The following UBASH3A variants were observed in gnomAD, a reference collection of about 807,000 sequenced individuals.
The protein encoded by UBASH3A is ubiquitin associated and SH3 domain containing A.
UBASH3A carries 63 observed loss-of-function variants against 73.5 expected under a neutral mutation model. The observed-to-expected ratio is 0.86, with a 90% CI of 0.70 to 1.06. UBASH3A has a LOEUF of 1.06. UBASH3A is among the 50% of genes least tolerant of loss of function. The probability of loss-of-function intolerance (pLI) is 0.00; values close to 1 mark genes in which losing one functional copy is unlikely to be tolerated. For synonymous variants in UBASH3A, 363 were observed against 351.1 expected (o/e 1.03, Z -0.38); for missense variants, 860 against 859.0 (o/e 1.00, Z -0.02).
At chr21:42,437,070 A>G (rs1568936009) in intron 10 of UBASH3A, among the ~76,000 whole-genome samples, 2 of 152,216 alleles carry the variant, frequency 1.3e-5, no homozygotes, top group Non-Finnish European at 2.9e-5. Flanking sequence ...GCTGGCTGTT[A>G]GCTGGGGGCT....
chr21:42,442,600 T>G lies in UBASH3A; in HGVS notation c.1631+4T>G. ...TCAACATTGACACTGATTACAGGTA[T>G]GCTGTTCTAAAGTTCTCTGCCACTG... On this transcript the variant is annotated splice_donor_region_variant and intron_variant, in intron 12 of 14. Transcript: ENST00000319294. 1 of 1,605,770 alleles carries G rather than the reference T, an allele frequency of 6.2e-7. No individual in the cohort carries two copies. Among genetic ancestry groups the G allele is most frequent in the South Asian group, 1.1e-5 (1 of 88,780 alleles).
At chr21:42,436,467 T>C (rs1319903586) in intron 10 of UBASH3A, among the ~76,000 whole-genome samples, 1 of 152,210 alleles carries the variant, frequency 6.6e-6, no homozygotes, top group African/African-American at 2.4e-5. Flanking sequence ...TCTTCTCTTC[T>C]CTGCATGTCT....
At chr21:42,425,194 G>C (rs1198544137) in intron 7 of UBASH3A, among the ~76,000 whole-genome samples, 1 of 152,210 alleles carries the variant, frequency 6.6e-6, no homozygotes, top group Non-Finnish European at 1.5e-5. Flanking sequence ...CTGTCAAGAG[G>C]CTCTCTTAAG....
chr21:42,444,857 G>T (rs568619824), intron 14 of UBASH3A, among the ~76,000 whole-genome samples: 1 of 152,274 alleles, frequency 6.6e-6, no homozygotes, highest in East Asian at 1.9e-4. Flanking sequence ...ATCATCATTG[G>T]CCACTTGCCA....
intron 11 of UBASH3A, among the ~76,000 whole-genome samples, chr21:42,438,185 C>T (rs563506129): frequency 7.9e-5 from 12 of 152,280 alleles, no homozygotes; most frequent in African/African-American, 2.9e-4. Context: ...CAGGGACTGG[C>T]CGTGGCCAGG....
chr21:42,446,318 C>A (rs1038679287), intron 14 of UBASH3A, among the ~76,000 whole-genome samples: 15 of 152,290 alleles, frequency 9.8e-5, no homozygotes, highest in African/African-American at 3.4e-4. Flanking sequence ...GATGGGCCCC[C>A]AAATCAGGGC....
At position 42,447,296 on chromosome 21, in the gene UBASH3A, A is replaced by G. The variant is rs537200259; in HGVS notation, c.*102A>G. 8.5e-5 allele frequency: 110 copies of G among 1,286,680 alleles called. No individual in the cohort carries two copies. The highest frequency in any genetic ancestry group is 8.2e-4 in the African/African-American group (55 of 66,896). The allele number at this position is 1,286,680 out of a possible 1,614,324, so 79.7% of individuals were successfully genotyped here. On this transcript the variant is annotated 3_prime_UTR_variant, in exon 15 of 15. Transcript: ENST00000319294. ...TCCAGAGGCGTCTTAGTCTCACCCA[A>G]TGTGATTTGTAGAAGCACGAGACGC...
intron 3 of UBASH3A, chr21:42,410,337 T>G (rs573721100): frequency 3.4e-6 from 2 of 593,522 alleles, no homozygotes; most frequent in African/African-American, 1.9e-5. Context: ...TACCGCGGCC[T>G]GGCCCCAACT....
At chr21:42,434,419 G>C (rs929845497) in intron 9 of UBASH3A, among the ~76,000 whole-genome samples, 1 of 152,196 alleles carries the variant, frequency 6.6e-6, no homozygotes, top group Admixed American at 6.5e-5. Context: ...CAAGCACTCT[G>C]TCCCCTGAGC....
Position 42,418,569 on chromosome 21 carries a change from A to G in UBASH3A, c.1006A>G (p.Thr336Ala). Reference sequence around the variant, plus strand: ...CCGGGGCTTCCTGCCGGAAAACTACACGGATCGAGCCAGTGAGTCTGACAC... The same window carrying G: ...CCGGGGCTTCCTGCCGGAAAACTACGCGGATCGAGCCAGTGAGTCTGACAC... The part of the protein sequence containing the change: ...GCRGFLPENY[T>A]DRASESDTWV... The change falls in exon 7 of 15, where the codon ACG becomes GCG. Residue 336 changes from threonine to alanine, a missense_variant. Coordinates refer to ENST00000319294, the MANE Select transcript of UBASH3A (RefSeq NM_018961.4). 2 of 1,614,066 alleles carry G rather than the reference A, an allele frequency of 1.2e-6. No individual in the cohort carries two copies. The highest frequency in any genetic ancestry group is 1.7e-6 in the Non-Finnish European group (2 of 1,179,988).
At chr21:42,439,446 G>A (rs2053689319) in intron 11 of UBASH3A, among the ~76,000 whole-genome samples, 2 of 152,034 alleles carry the variant, frequency 1.3e-5, no homozygotes, top group South Asian at 2.1e-4. Flanking sequence ...ATTGCATCAC[G>A]GCACCTCTGG....
chr21:42,412,566 A>T (rs980159390), intron 3 of UBASH3A, among the ~76,000 whole-genome samples: 1 of 152,184 alleles, frequency 6.6e-6, no homozygotes, highest in African/African-American at 2.4e-5. Context: ...CGTGGAAGAG[A>T]GGGTGGCCCC....
At chr21:42,405,420 G>T (rs1356559443) in intron 1 of UBASH3A, among the ~76,000 whole-genome samples, 1 of 152,162 alleles carries the variant, frequency 6.6e-6, no homozygotes, top group African/African-American at 2.4e-5. Context: ...GTATAGCATG[G>T]ACTTCTACTC....
At chr21:42,426,668 G>C (rs2053441363) in intron 7 of UBASH3A, 29 bp from the exon 8 acceptor site, 1 of 1,611,888 alleles carries the variant, frequency 6.2e-7, no homozygotes. Flanking sequence ...TCTCACTTCT[G>C]TTCAAGCCGT....
intron 8 of UBASH3A, among the ~76,000 whole-genome samples, chr21:42,429,032 T>C (rs2053486555): frequency 6.6e-6 from 1 of 152,088 alleles, no homozygotes; most frequent in South Asian, 2.1e-4. Flanking sequence ...AGGAGGGCCC[T>C]AAACCCCATC....
At chr21:42,435,857 T>A (rs1196206016) in intron 10 of UBASH3A, among the ~76,000 whole-genome samples, 1 of 151,572 alleles carries the variant, frequency 6.6e-6, no homozygotes, top group Non-Finnish European at 1.5e-5. Flanking sequence ...ATAGAGTTAG[T>A]TATAGAGTTA....
intron 7 of UBASH3A, among the ~76,000 whole-genome samples, chr21:42,422,753 A>G (rs1479293959): frequency 4.6e-5 from 7 of 152,252 alleles, no homozygotes; most frequent in Non-Finnish European, 7.3e-5. Context: ...AAGTTGCAGA[A>G]CGATGTGTAT....
intron 7 of UBASH3A, among the ~76,000 whole-genome samples, chr21:42,424,449 G>A (rs1453982926): frequency 1.3e-5 from 2 of 152,240 alleles, no homozygotes; most frequent in Non-Finnish European, 2.9e-5. Flanking sequence ...TTGCTTTGAA[G>A]ATCAGAGATG....
chr21:42,421,612 A>T (rs141151432), intron 7 of UBASH3A, among the ~76,000 whole-genome samples: 146 of 152,328 alleles, frequency 9.6e-4, no homozygotes, highest in African/African-American at 3.3e-3. Context: ...TATTTCCAGC[A>T]TCTATACATC....
Sources: allele counts gnomAD v4.1 joint callset (sites outside exome capture counted in the v4.1 genomes callset), GRCh38; gene constraint gnomAD v4.1.1; transcripts MANE v1.5; gene names NCBI Gene and HGNC (gene_info 2026-07-23, HGNC 2026-07-21).